Variants in TBXAS1 observed in about 807,000 individuals in gnomAD.
The protein encoded by TBXAS1 is thromboxane A synthase 1.
A neutral mutation model predicts 60.7 loss-of-function variants in TBXAS1; 48 were observed. The observed-to-expected ratio is 0.79, with a 90% confidence interval of 0.63 to 1.01. The LOEUF (loss-of-function observed/expected upper bound fraction) is 1.01, where lower values mean the gene tolerates loss of function less well. Ranked by LOEUF, TBXAS1 falls within the 50% of genes least tolerant of loss-of-function variation. The probability of loss-of-function intolerance (pLI) is 0.00; values close to 1 mark genes in which losing one functional copy is unlikely to be tolerated. For synonymous variants in TBXAS1, 287 were observed against 269.7 expected, an observed-to-expected ratio of 1.06 and a Z score of -0.63; for missense variants, 685 against 686.3, an observed-to-expected ratio of 1.00 and a Z score of 0.02.
rs79671099 is a variant in TBXAS1, at chr7:139,861,537, G to T, written c.90-10698G>T. On this transcript the variant is annotated intron_variant, in intron 1 of 12. Coordinates refer to ENST00000448866, the MANE Select transcript of TBXAS1 (RefSeq NM_001061.7). ...CCCAAAGTGCTAGGATTACAGGAGCGAGCCACTGTGCCTGGCCTGTTTAAA... is the reference window on the plus strand; with the variant it reads ...CCCAAAGTGCTAGGATTACAGGAGCTAGCCACTGTGCCTGGCCTGTTTAAA... Among the ~76,000 whole-genome samples the T allele has an allele frequency of 9.3e-3, 1,407 of 151,630 alleles. 13 individuals are homozygous for T. The highest frequency in any genetic ancestry group is 0.015 in the Non-Finnish European group (992 of 67,958).
intron 1 of TBXAS1, among the ~76,000 whole-genome samples, chr7:139,854,250 C>A (rs149022274): frequency 1.3e-5 from 2 of 152,034 alleles, no homozygotes; most frequent in Non-Finnish European, 2.9e-5. Context: ...AAGCCCAGAA[C>A]GGTGAAACGA....
chr7:139,933,384 G>A (rs1452564904), intron 4 of TBXAS1, among the ~76,000 whole-genome samples: 1 of 152,160 alleles, frequency 6.6e-6, no homozygotes, highest in Non-Finnish European at 1.5e-5. Flanking sequence ...TTTCCTTGGA[G>A]GTAAGTGCTT....
chr7:139,947,643 C>T (rs189238502), intron 5 of TBXAS1, among the ~76,000 whole-genome samples: 19 of 152,318 alleles, frequency 1.2e-4, no homozygotes, highest in African/African-American at 4.1e-4. Flanking sequence ...GGGGAATTTG[C>T]TTCCCAGGGT....
chr7:139,945,753 G>A (rs1333202090), intron 5 of TBXAS1, among the ~76,000 whole-genome samples: 1 of 152,176 alleles, frequency 6.6e-6, no homozygotes, highest in East Asian at 1.9e-4. Context: ...TGTGGGTCAG[G>A]AATCCTGGCA....
Position 139,779,264 on chromosome 7 carries a change from C to T in TBXAS1, c.-318+793C>T, listed in dbSNP as rs544565898. 3.3e-5 allele frequency among the ~76,000 whole-genome samples: 5 copies of T among 152,336 alleles called. No individual in the cohort carries two copies. In the East Asian group the frequency reaches 5.8e-4, roughly 18 times the overall value. On this transcript the variant is annotated intron_variant, in intron 1 of 16. Coordinates refer to the TBXAS1 transcript ENST00000336425. ...TCCGGTCTCCATCCTCCGTTCCCAT[C>T]CTTCAGTCCTTCCCAAAAAAGGCAA...
At chr7:139,923,677 G>A (rs1410206397) in intron 4 of TBXAS1, among the ~76,000 whole-genome samples, 2 of 151,644 alleles carry the variant, frequency 1.3e-5, no homozygotes, top group Non-Finnish European at 2.9e-5. Flanking sequence ...CTGATCTTTC[G>A]GTTATTTTAA....
intron 9 of TBXAS1, among the ~76,000 whole-genome samples, chr7:140,002,268 G>A (rs1006359274): frequency 7.9e-5 from 12 of 152,190 alleles, no homozygotes; most frequent in African/African-American, 2.4e-4. Flanking sequence ...ACCTGGTCCC[G>A]CACCTGACCC....
intron 9 of TBXAS1, among the ~76,000 whole-genome samples, chr7:139,981,667 C>T (rs533380615): frequency 6.6e-6 from 1 of 152,314 alleles, no homozygotes; most frequent in East Asian, 1.9e-4. Flanking sequence ...CGGTACCAAG[C>T]TGTGTTTCTT....
chr7:139,925,850 G>A lies in TBXAS1; in HGVS notation c.334-10341G>A, dbSNP rs577234447. Among the ~76,000 whole-genome samples the A allele has an allele frequency of 1.1e-3, 170 of 152,248 alleles. 1 individual carries two copies. The highest frequency in any genetic ancestry group is 1.5e-3 in the East Asian group (8 of 5,184). ...TTTAGGATTTTTATTATGAAGGGAC[G>A]TTGAATTTTATCAAATGCTTTTTTA... On this transcript the variant is annotated intron_variant, in intron 4 of 12. Coordinates refer to ENST00000448866, the MANE Select transcript of TBXAS1 (RefSeq NM_001061.7).
At chr7:139,969,233 G>A (rs1004596416) in intron 9 of TBXAS1, among the ~76,000 whole-genome samples, 6 of 152,168 alleles carry the variant, frequency 3.9e-5, no homozygotes, top group Non-Finnish European at 5.9e-5. Flanking sequence ...TGCCTTAGAA[G>A]GAAGGCCAAA....
chr7:139,906,394 C>A (rs1805084944), intron 3 of TBXAS1, among the ~76,000 whole-genome samples: 1 of 152,092 alleles, frequency 6.6e-6, no homozygotes, highest in Non-Finnish European at 1.5e-5. Context: ...ACCCTTCCTG[C>A]ATTGAATTGC....
chr7:139,887,654 T>C (rs1803213050), intron 3 of TBXAS1, among the ~76,000 whole-genome samples: 1 of 152,220 alleles, frequency 6.6e-6, no homozygotes, highest in African/African-American at 2.4e-5. Flanking sequence ...TATTCTGCCT[T>C]TTGTTTATTC....
chr7:139,969,150 C>G (rs1243742109), intron 9 of TBXAS1, among the ~76,000 whole-genome samples: 1 of 152,150 alleles, frequency 6.6e-6, no homozygotes, highest in Non-Finnish European at 1.5e-5. Flanking sequence ...TGTGCAGAAC[C>G]CAGTTGTAAA....
At chr7:139,937,203 T>G (rs896325337) in intron 5 of TBXAS1, among the ~76,000 whole-genome samples, 1 of 152,168 alleles carries the variant, frequency 6.6e-6, no homozygotes, top group Non-Finnish European at 1.5e-5. Flanking sequence ...CTAAGGGGCT[T>G]CTTTAGTTCC....
At chr7:139,952,867 G>C (rs548026284) in intron 5 of TBXAS1, among the ~76,000 whole-genome samples, 1 of 152,308 alleles carries the variant, frequency 6.6e-6, no homozygotes, top group South Asian at 2.1e-4. Flanking sequence ...AATAATTTCT[G>C]TGTTAAATAA....
intron 4 of TBXAS1, among the ~76,000 whole-genome samples, chr7:139,794,959 A>G (rs1177505575): frequency 1.5e-5 from 2 of 132,668 alleles, no homozygotes; most frequent in East Asian, 4.5e-4. Flanking sequence ...ATTGTGAATA[A>G]TGCCGCAATA....
intron 3 of TBXAS1, among the ~76,000 whole-genome samples, chr7:139,909,971 C>G (rs1051668668): frequency 1.3e-5 from 2 of 152,192 alleles, no homozygotes; most frequent in East Asian, 3.8e-4. Flanking sequence ...ATTCCTCCAG[C>G]CAGCAGACCC....
chr7:139,829,126 T>C (rs550709630), upstream of TBXAS1: 1 of 575,476 alleles, frequency 1.7e-6, no homozygotes, highest in South Asian at 1.6e-5. Context: ...GAAGTTAATA[T>C]AAATGTTTAT....
At chr7:140,017,044 C>CT (rs1216618338) in intron 11 of TBXAS1, among the ~76,000 whole-genome samples, 4 of 152,246 alleles carry the variant, frequency 2.6e-5, no homozygotes, top group Admixed American at 2.0e-4. Flanking sequence ...GGCAAATGCA[C>CT]TACTTGGTAG....
Sources: gnomAD v4.1 joint callset for allele counts (sites outside exome capture counted in the v4.1 genomes callset) on GRCh38, gnomAD v4.1.1 for gene constraint, MANE v1.5 for transcripts, NCBI Gene and HGNC (gene_info 2026-07-23, HGNC 2026-07-21) for gene names.